The following RALGPS1 variants were observed in gnomAD, a reference collection of about 807,000 sequenced individuals.
The protein encoded by RALGPS1 is Ral GEF with PH domain and SH3 binding motif 1, also known as ras-specific guanine nucleotide-releasing factor RalGPS1.
Under a neutral mutation model 78.8 loss-of-function variants are expected in RALGPS1, and 19 were observed. The observed-to-expected ratio is 0.24, with a 90% CI of 0.17 to 0.35. RALGPS1 has a LOEUF of 0.35. Ranked by LOEUF, RALGPS1 falls within the 10% of genes least tolerant of loss-of-function variation. RALGPS1 has a pLI of 1.00. For synonymous variants in RALGPS1, 228 were observed against 256.3 expected, an observed-to-expected ratio of 0.89 and a Z score of 1.06; for missense variants, 454 against 688.3, an observed-to-expected ratio of 0.66 and a Z score of 3.81.
chr9:127,209,748 C>T (rs2062134781), intron 14 of RALGPS1, among the ~76,000 whole-genome samples: 1 of 152,138 alleles, frequency 6.6e-6, no homozygotes, highest in Admixed American at 6.5e-5. Context: ...ACAAAGGCCC[C>T]TGGGCAGGTA....
At position 127,221,065 on chromosome 9, in the gene RALGPS1, A is replaced by T. The variant is rs2062760817; in HGVS notation, c.*2296A>T. The T allele has an allele frequency of 6.6e-6, 1 of 152,402 alleles. No homozygotes were observed. Among genetic ancestry groups the T allele is most frequent in the Non-Finnish European group, 1.5e-5 (1 of 68,052 alleles). The allele number at this position is 152,402 out of a possible 1,614,324, so 9.4% of individuals were successfully genotyped here. On this transcript the variant is annotated 3_prime_UTR_variant, in exon 19 of 19. Coordinates refer to ENST00000259351, the MANE Select transcript of RALGPS1 (RefSeq NM_014636.3). ...TAGATTTTGTTGGCAAAAGCCTTAT[A>T]GAAGCAGTAAGAGGCTTGACCACGC...
intron 3 of RALGPS1, among the ~76,000 whole-genome samples, chr9:126,977,385 T>C (rs1191596638): frequency 6.6e-6 from 1 of 152,202 alleles, no homozygotes; most frequent in Non-Finnish European, 1.5e-5. Flanking sequence ...ATTCAAATAG[T>C]ATGAAAATTT....
intron 8 of RALGPS1, among the ~76,000 whole-genome samples, chr9:127,151,608 T>A (rs888988195): frequency 2.0e-5 from 3 of 152,206 alleles, no homozygotes; most frequent in African/African-American, 4.8e-5. Flanking sequence ...ATGGTTTTTT[T>A]ATTTTTTTAT....
intron 1 of RALGPS1, among the ~76,000 whole-genome samples, chr9:126,931,981 GTT>G (rs11331889): frequency 1.3e-5 from 2 of 148,260 alleles, no homozygotes; most frequent in Non-Finnish European, 3.0e-5. Flanking sequence ...CCACAGACAT[GTT>G]TTTTTTTTTT....
intron 4 of RALGPS1, among the ~76,000 whole-genome samples, chr9:127,002,815 A>G (rs1172577181): frequency 6.6e-6 from 1 of 152,068 alleles, no homozygotes; most frequent in Non-Finnish European, 1.5e-5. Flanking sequence ...CATGGTGTAT[A>G]TGTGCCACAT....
intron 8 of RALGPS1, among the ~76,000 whole-genome samples, chr9:127,132,382 A>G (rs2057066751): frequency 6.6e-6 from 1 of 152,222 alleles, no homozygotes; most frequent in African/African-American, 2.4e-5. Context: ...ACTTCTGTGA[A>G]TTATCTACCA....
intron 8 of RALGPS1, chr9:127,093,904 C>T (rs1403846035): frequency 1.9e-6 from 3 of 1,613,866 alleles, no homozygotes; most frequent in Admixed American, 3.3e-5. Flanking sequence ...CCTCCAGGGC[C>T]TGCAGGCAGT....
intron 14 of RALGPS1, among the ~76,000 whole-genome samples, chr9:127,202,905 C>T (rs1395605219): frequency 1.3e-5 from 2 of 149,944 alleles, no homozygotes; most frequent in African/African-American, 5.0e-5. Context: ...GAGGCGGCCG[C>T]AGGGCAGCGG....
chr9:126,934,328 ATGTGC>A (rs1240534591), intron 1 of RALGPS1, among the ~76,000 whole-genome samples: 1 of 152,178 alleles, frequency 6.6e-6, no homozygotes, highest in Non-Finnish European at 1.5e-5. Flanking sequence ...TTGGAAAGAG[ATGTGC>A]TGGGAAGGTA....
chr9:127,180,735 G>A (rs780391063), intron 11 of RALGPS1, among the ~76,000 whole-genome samples: 5 of 152,192 alleles, frequency 3.3e-5, no homozygotes, highest in African/African-American at 4.8e-5. Context: ...TGTCACTCAC[G>A]AGCCACCCCA....
At chr9:127,077,495 G>A (rs1286404976) in intron 8 of RALGPS1, among the ~76,000 whole-genome samples, 3 of 152,242 alleles carry the variant, frequency 2.0e-5, no homozygotes, top group Admixed American at 6.5e-5. Flanking sequence ...ATCAAGCCAA[G>A]GATGCGGCAG....
chr9:127,165,676 T>G (rs1254533945), intron 8 of RALGPS1, among the ~76,000 whole-genome samples: 1 of 152,202 alleles, frequency 6.6e-6, no homozygotes, highest in Non-Finnish European at 1.5e-5. Flanking sequence ...AAGAAGAAAC[T>G]GAATTCAGCC....
intron 1 of RALGPS1, among the ~76,000 whole-genome samples, chr9:126,946,066 G>A (rs1264514479): frequency 1.3e-5 from 2 of 152,218 alleles, no homozygotes; most frequent in African/African-American, 4.8e-5. Context: ...GGCTTTCACG[G>A]TAGATGGGAG....
Position 127,183,420 on chromosome 9 carries a change from T to C in RALGPS1, c.910+8638T>C, listed in dbSNP as rs1588412070. 2.6e-5 allele frequency among the ~76,000 whole-genome samples: 4 copies of C among 151,990 alleles called. No individual in the cohort carries two copies. In the East Asian group the frequency reaches 7.7e-4, roughly 29 times the overall value. ...CACTGCCAGCTTCCTGATGTTTGGGTCCCCTCCAGCCCTCAACTCTGCCAG... is the reference window on the plus strand; with the variant it reads ...CACTGCCAGCTTCCTGATGTTTGGGCCCCCTCCAGCCCTCAACTCTGCCAG... On this transcript the variant is annotated intron_variant, in intron 11 of 18. Transcript: ENST00000259351. This position sits in a 1 kb window ranked among gnomAD's most constrained non-coding sequence, Gnocchi z 4.0.
At chr9:127,116,422 A>C (rs1396377656) in intron 8 of RALGPS1, among the ~76,000 whole-genome samples, 1 of 152,114 alleles carries the variant, frequency 6.6e-6, no homozygotes, top group African/African-American at 2.4e-5. Context: ...AACCATTTTG[A>C]GATTCCCCCA....
chr9:127,215,877 GTCCTC>G (rs1241001749), intron 18 of RALGPS1, among the ~76,000 whole-genome samples: 2 of 152,230 alleles, frequency 1.3e-5, no homozygotes, highest in South Asian at 2.1e-4. Context: ...GGAAGCAGGA[GTCCTC>G]TCCTAGCCCA....
chr9:127,192,640 A>G (rs2061134813), intron 11 of RALGPS1, among the ~76,000 whole-genome samples: 1 of 152,142 alleles, frequency 6.6e-6, no homozygotes, highest in Non-Finnish European at 1.5e-5. Context: ...CCTGGGTGAC[A>G]GGGCCAGACC....
At chr9:127,156,756 A>T (rs961791430) in intron 8 of RALGPS1, among the ~76,000 whole-genome samples, 2 of 151,760 alleles carry the variant, frequency 1.3e-5, no homozygotes, top group Non-Finnish European at 2.9e-5. Context: ...CCAATATGTC[A>T]GTCTTTTTTT....
chr9:127,164,803 G>A (rs2139573345), intron 8 of RALGPS1, among the ~76,000 whole-genome samples: 1 of 152,182 alleles, frequency 6.6e-6, no homozygotes, highest in East Asian at 1.9e-4. Context: ...GCCTCCCAAA[G>A]TGGTGGGATT....
Sources: gnomAD v4.1 joint callset for allele counts (sites outside exome capture counted in the v4.1 genomes callset) on GRCh38, gnomAD v4.1.1 for gene constraint, Gnocchi (gnomAD v3.1) non-coding constraint, MANE v1.5 for transcripts, NCBI Gene and HGNC (gene_info 2026-07-23, HGNC 2026-07-21) for gene names.